PAOX: variants seen among roughly 807,000 people sequenced by gnomAD.
The protein encoded by PAOX is peroxisomal N(1)-acetyl-spermine/spermidine oxidase.
In PAOX, 38 loss-of-function variants were observed where a neutral mutation model predicts 39.0. The observed-to-expected ratio is 0.97, with a 90% CI of 0.75 to 1.28. The LOEUF is 1.28. Ranked by LOEUF, PAOX falls within the 50% of genes most tolerant of loss-of-function variation. The pLI is 0.00. For synonymous variants in PAOX, 311 were observed against 314.4 expected, an observed-to-expected ratio of 0.99 and a Z score of 0.11; for missense variants, 667 against 685.7, an observed-to-expected ratio of 0.97 and a Z score of 0.30.
intron 4 of PAOX, among the ~76,000 whole-genome samples, chr10:133,387,540 C>T (rs185068658): frequency 7.4e-4 from 113 of 152,294 alleles, no homozygotes; most frequent in Non-Finnish European, 1.3e-3. Context: ...TGCTCATTTT[C>T]AAGAAAATGT....
At chr10:133,389,789 A>G (rs1252285292) in intron 6 of PAOX, 42 bp downstream of exon 6, 2 of 1,411,714 alleles carry the variant, frequency 1.4e-6, no homozygotes, top group Non-Finnish European at 1.8e-6. Flanking sequence ...GTCCCGCTGC[A>G]GAGGCCCCCG....
chr10:133,389,144 C>T, intron 5 of PAOX, 76 bp downstream of exon 5: 1 of 1,270,902 alleles, frequency 7.9e-7, no homozygotes, highest in Non-Finnish European at 1.2e-6. Context: ...CTAGACTTTG[C>T]AGAACAGAGA....
intron 3 of PAOX, 144 bp downstream of exon 3, chr10:133,381,803 TTC>T: frequency 1.2e-6 from 1 of 823,784 alleles, no homozygotes; most frequent in Non-Finnish European, 1.9e-6. Flanking sequence ...GAAGGAATGA[TTC>T]TGTTATGTTT....
Position 133,379,356 on chromosome 10 carries a change from C to A in PAOX, c.40C>A (p.Pro14Thr). Residue 14 changes from proline to threonine, a missense_variant, in exon 1 of 7, where the codon CCC becomes ACC. Pro to Thr is a conservative substitution (Grantham distance 38). Transcript: ENST00000278060. ...TGSVGEAPGG[P>T]RVLVVGGGIA... is the part of the protein sequence containing the mutation. ...CAGCGTCGGGGAGGCCCCGGGCGGA[C>A]CCCGGGTGCTGGTGGTGGGCGGCGG... The A allele has an allele frequency of 2.5e-6, 3 of 1,219,092 alleles. No homozygotes were observed. The highest frequency in any genetic ancestry group is 3.1e-6 in the Non-Finnish European group (3 of 980,020). The allele number at this position is 1,219,092 out of a possible 1,614,324, so 75.5% of individuals were successfully genotyped here. A position where few individuals can be genotyped will look rare whatever the true frequency, so the allele number is the denominator to read the frequency against.
chr10:133,380,187 C>G lies in PAOX; in HGVS notation c.370C>G (p.Leu124Val). Residue 124 changes from leucine (L) to valine (V), a missense_variant, in exon 2 of 7, where the codon CTC becomes GTC. Leu to Val is a conservative substitution (Grantham distance 32, BLOSUM62 1). Coordinates refer to ENST00000278060, the MANE Select transcript of PAOX (RefSeq NM_152911.4). ...SYASSGASVS[L>V]QLVAEMATLF... is the part of the protein sequence containing the mutation. Reference sequence around the variant, plus strand: ...CGCCAGCTCCGGGGCCAGCGTGAGCCTCCAGCTGGTGGCGGAGATGGCGAC... The same window carrying G: ...CGCCAGCTCCGGGGCCAGCGTGAGCGTCCAGCTGGTGGCGGAGATGGCGAC... The G allele has an allele frequency of 6.2e-7, 1 of 1,612,424 alleles. No homozygotes were observed. Among genetic ancestry groups the G allele is most frequent in the South Asian group, 1.1e-5 (1 of 91,056 alleles).
intron 3 of PAOX, 66 bp downstream of exon 3, chr10:133,381,725 A>AGAGCCAACTGAGGCAG: frequency 1.3e-6 from 2 of 1,553,714 alleles, no homozygotes; most frequent in Non-Finnish European, 1.8e-6. Flanking sequence ...ACCCTGCCTC[A>AGAGCCAACTGAGGCAG]GTTGGCTCTG....
At chr10:133,386,127 C>T (rs11101732) in intron 4 of PAOX, among the ~76,000 whole-genome samples, 10,942 of 150,930 alleles carry the variant, frequency 0.072, 570 homozygotes, top group African/African-American at 0.15. Context: ...TGGGTTCAAG[C>T]GATTTTCCTG....
Position 133,389,690 on chromosome 10 carries a change from T to C in PAOX, c.1335T>C (p.Thr445=), listed in dbSNP as rs139328993. Residue 445 remains threonine, a synonymous_variant, in exon 6 of 7, where the codon ACT becomes ACC. Coordinates refer to ENST00000278060, the MANE Select transcript of PAOX (RefSeq NM_152911.4). ...ACAGCTACGTGGCCGTGGGCAGTAC[T>C]GGGGGCGACCTGGACCTGCTGGCTC... The part of the protein sequence containing the change: ...GSYSYVAVGS[T]GGDLDLLAQP... 389 of 1,604,678 alleles carry C rather than the reference T, an allele frequency of 2.4e-4. 1 individual carries two copies. In the African/African-American group the frequency reaches 4.6e-3, roughly 19 times the overall value.
Position 133,379,370 on chromosome 10 carries a change from G to T in PAOX, c.54G>T (p.Val18=). 8.2e-7 allele frequency: 1 copy of T among 1,220,050 alleles called. No individual in the cohort carries two copies. The allele number at this position is 1,220,050 out of a possible 1,614,324, so 75.6% of individuals were successfully genotyped here. Residue 18 remains valine (V), a synonymous_variant, in exon 1 of 7, where the codon GTG becomes GTT. Transcript: ENST00000278060. ...CCCCGGGCGGACCCCGGGTGCTGGT[G>T]GTGGGCGGCGGCATCGCGGGGCTGG... ...GEAPGGPRVL[V]VGGGIAGLGA... is the part of the protein sequence containing the mutation.
intron 2 of PAOX, 72 bp from the exon 3 acceptor site, chr10:133,381,388 A>G: frequency 3.4e-6 from 5 of 1,458,660 alleles, no homozygotes; most frequent in Non-Finnish European, 4.8e-6. Flanking sequence ...GGGAACTCAG[A>G]GCACGTATTT....
intron 4 of PAOX, among the ~76,000 whole-genome samples, chr10:133,386,581 TCTC>T (rs1849537209): frequency 6.6e-6 from 1 of 151,190 alleles, no homozygotes. Context: ...TTCAAGCAAT[TCTC>T]CTGCCTCAGC....
Position 133,391,431 on chromosome 10 carries a change from G to A in PAOX, c.1512G>A (p.Val504=). 4 of 1,612,576 alleles carry A rather than the reference G, an allele frequency of 2.5e-6. No homozygotes were observed. The South Asian group carries it at 4.4e-5, about 18-fold the overall frequency. ...TCCTCAGTCTGTGGGCCCCGCAGGT[G>A]CAGCAGCCCAGGCCCAGGCTCTAGC... ...DRLLSLWAPQ[V]QQPRPRL Residue 504 remains valine, a synonymous_variant, in exon 7 of 7, where the codon GTG becomes GTA. Coordinates refer to ENST00000278060, the MANE Select transcript of PAOX (RefSeq NM_152911.4).
At chr10:133,389,549 G>A (rs1849613905) in intron 5 of PAOX, 41 bp from the exon 6 acceptor site, 1 of 1,612,876 alleles carries the variant, frequency 6.2e-7, no homozygotes. Flanking sequence ...AGACCTGTGG[G>A]TGAGAGTTCT....
At chr10:133,388,519 G>A (rs1247766020) in intron 4 of PAOX, among the ~76,000 whole-genome samples, 1 of 152,256 alleles carries the variant, frequency 6.6e-6, no homozygotes, top group Non-Finnish European at 1.5e-5. Context: ...GGGAACGCCT[G>A]TAGGCGCATG....
chr10:133,379,622 C>A, intron 1 of PAOX, 125 bp downstream of exon 1: 1 of 814,082 alleles, frequency 1.2e-6, no homozygotes, highest in East Asian at 3.4e-5. Flanking sequence ...AGGGAATCCC[C>A]GCTCGCTTAA....
Position 133,384,765 on chromosome 10 carries a change from A to T in PAOX, c.1121+553A>T, listed in dbSNP as rs540955675. On this transcript the variant is annotated intron_variant, in intron 4 of 6. Transcript: ENST00000278060. The surrounding 1 kb of genome is among the most constrained non-coding windows in gnomAD (Gnocchi z 4.3). Reference sequence around the variant, plus strand: ...CTGACTTTTCCAGCAAGATTAAAACACAAAGACAGCCTGATATAGTCAGAT... The same window carrying T: ...CTGACTTTTCCAGCAAGATTAAAACTCAAAGACAGCCTGATATAGTCAGAT... Among the ~76,000 whole-genome samples, 2 of 152,222 alleles carry T rather than the reference A, an allele frequency of 1.3e-5. No individual in the cohort carries two copies. Among genetic ancestry groups the T allele is most frequent in the Non-Finnish European group, 2.9e-5 (2 of 68,034 alleles).
intron 2 of PAOX, 89 bp from the exon 3 acceptor site, chr10:133,381,371 T>TCCCA: frequency 7.9e-7 from 1 of 1,269,466 alleles, no homozygotes; most frequent in Non-Finnish European, 1.1e-6. Context: ...CTACCTTTGA[T>TCCCA]GCGGGTGGGA....
chr10:133,391,491 G>T lies in PAOX; in HGVS notation c.*36G>T, dbSNP rs1448773981. The T allele has an allele frequency of 5.1e-6, 8 of 1,573,846 alleles. No individual in the cohort carries two copies. The African/African-American group carries it at 5.5e-5, about 11-fold the overall frequency. ...CCTACTCTGTTCCACCCGTGTCGGG[G>T]GTAGGCTGGGACCCTCATTTCTTCT... On this transcript the variant is annotated 3_prime_UTR_variant, in exon 7 of 7. Transcript: ENST00000278060.
chr10:133,380,236 A>G lies in PAOX; in HGVS notation c.419A>G (p.Gln140Arg), dbSNP rs1849324719. The G allele has an allele frequency of 6.2e-7, 1 of 1,612,764 alleles. No homozygotes were observed. The highest frequency in any genetic ancestry group is 1.1e-5 in the South Asian group (1 of 91,092). The change falls in exon 2 of 7, where the codon CAG (glutamine) becomes CGG (arginine). Residue 140 changes from glutamine (Q) to arginine (R), a missense_variant. Gln to Arg is a conservative substitution (Grantham distance 43). Transcript: ENST00000278060. Reference sequence around the variant, plus strand: ...ACTCTGTTCTACGGCCTGATAGACCAGACCCGGGAGTTCCTGCACGCTGCA... The same window carrying G: ...ACTCTGTTCTACGGCCTGATAGACCGGACCCGGGAGTTCCTGCACGCTGCA... ...MATLFYGLID[Q>R]TREFLHAAET...
Sources: gnomAD v4.1 joint callset for allele counts (sites outside exome capture counted in the v4.1 genomes callset) on GRCh38, gnomAD v4.1.1 for gene constraint, Gnocchi (gnomAD v3.1) non-coding constraint, MANE v1.5 for transcripts, NCBI Gene and HGNC (gene_info 2026-07-23, HGNC 2026-07-21) for gene names.